Variants in ERICH6 observed in about 807,000 individuals in gnomAD.
ERICH6 encodes the protein glutamate rich 6, also known as glutamate-rich protein 6.
In ERICH6, 71 loss-of-function variants were observed where a neutral mutation model predicts 71.0. That is an observed-to-expected ratio of 1.00 (90% CI 0.83 to 1.22). The LOEUF (loss-of-function observed/expected upper bound fraction) is 1.22, where lower values mean the gene tolerates loss of function less well. ERICH6 is among the 50% of genes most tolerant of loss of function. The pLI, the probability that ERICH6 is intolerant of heterozygous loss-of-function variation, is 0.00. For synonymous variants in ERICH6, 262 were observed against 278.4 expected, an observed-to-expected ratio of 0.94 and a Z score of 0.59; for missense variants, 808 against 797.2, an observed-to-expected ratio of 1.01 and a Z score of -0.16.
chr3:150,695,636 C>G (rs574983870), intron 3 of ERICH6, among the ~76,000 whole-genome samples: 1 of 152,266 alleles, frequency 6.6e-6, no homozygotes, highest in Admixed American at 6.5e-5. Context: ...CCACTCCACT[C>G]CAGCCTGGCG....
chr3:150,687,536 A>G (rs1576558119), intron 3 of ERICH6, among the ~76,000 whole-genome samples: 1 of 152,180 alleles, frequency 6.6e-6, no homozygotes, highest in Non-Finnish European at 1.5e-5. Flanking sequence ...TTTTTCAGGT[A>G]GGAGGGTGCT....
At position 150,671,076 on chromosome 3, in the gene ERICH6, A is replaced by G. The variant is rs145903393; in HGVS notation, c.1344-1625T>C. ...GGAGTTTGAGGCCAGCCTAGGCAAC[A>G]TAATAGGATTCTGTCTCTAAAAACT... On this transcript the variant is annotated intron_variant, in intron 11 of 13. Transcript: ENST00000295910. 1.5e-3 allele frequency among the ~76,000 whole-genome samples: 236 copies of G among 152,302 alleles called. 1 individual carries two copies. The highest frequency in any genetic ancestry group is 5.5e-3 in the African/African-American group (227 of 41,574).
chr3:150,660,109 T>A lies in ERICH6; in HGVS notation c.1775A>T (p.Asp592Val). 2 of 1,614,008 alleles carry A rather than the reference T, an allele frequency of 1.2e-6. No homozygotes were observed. Among genetic ancestry groups the A allele is most frequent in the Non-Finnish European group, 1.7e-6 (2 of 1,180,000 alleles). The change falls in exon 14 of 14, where the codon GAT becomes GTT. Residue 592 changes from aspartate (D) to valine (V), a missense_variant. Physicochemically the swap from Asp to Val is radical, Grantham distance 152 (BLOSUM62 -3). Around this residue, in one of 3 missense-constraint regions of ERICH6, gnomAD observed 736 missense variants for 712.2 expected, o/e 1.03. Transcript: ENST00000295910. Reference protein sequence around the residue: ...EIPILRYVSGDDLLLLASLIK... With the variant: ...EIPILRYVSGVDLLLLASLIK... ...TAAACTGGCCAGCAGAAGAAGGTCA[T>A]CTCCACTTACGTATCGGAGGATTGG...
At chr3:150,687,369 G>A (rs1383081297) in intron 3 of ERICH6, among the ~76,000 whole-genome samples, 1 of 152,200 alleles carries the variant, frequency 6.6e-6, no homozygotes, top group African/African-American at 2.4e-5. Flanking sequence ...ACTGCAGGCA[G>A]CTGAAACCAC....
In ERICH6 at chr3:150,669,349, T is replaced by C. The variant is rs370142848; in HGVS notation, c.1446A>G (p.Ala482=). Residue 482 remains alanine, a synonymous_variant, in exon 12 of 14, where the codon GCA becomes GCG. Coordinates refer to ENST00000295910, the MANE Select transcript of ERICH6 (RefSeq NM_152394.5). ...AACTTCTGCCAGAGGAATCCAGCACTGCTAGGATAGCAGGGTTAGTGGGCA... is the reference window on the plus strand; with the variant it reads ...AACTTCTGCCAGAGGAATCCAGCACCGCTAGGATAGCAGGGTTAGTGGGCA... ...EDMPTNPAIL[A]VLDSSGRSSC... The C allele has an allele frequency of 1.5e-5, 25 of 1,613,768 alleles. No homozygotes were observed. Among genetic ancestry groups the C allele is most frequent in the Non-Finnish European group, 1.9e-5 (23 of 1,179,904 alleles).
rs770361826 is a variant in ERICH6, at chr3:150,672,264, C to CATACATATATATAT, written c.1343+1691_1343+1692insATATATATATGTAT. 2.9e-3 allele frequency among the ~76,000 whole-genome samples: 360 copies of CATACATATATATAT among 123,632 alleles called. 8 individuals carry two copies. Among genetic ancestry groups the CATACATATATATAT allele is most frequent in the Middle Eastern group, 4.0e-3 (1 of 252 alleles). The allele number at this position is 123,632 out of a possible 152,430, so 81.1% of individuals were successfully genotyped here. A position where few individuals can be genotyped will look rare whatever the true frequency, so the allele number is the denominator to read the frequency against. The stretch of plus-strand genomic sequence containing the variant: ...TAAACAAAGAATCCATTTATATATA[C>CATACATATATATAT]ATATATATATATATGCTCATACACA... On this transcript the variant is annotated intron_variant, in intron 11 of 13. Transcript: ENST00000295910.
intron 9 of ERICH6, 97 bp downstream of exon 9, chr3:150,680,371 A>G (rs1027785952): frequency 1.6e-6 from 2 of 1,285,422 alleles, no homozygotes; most frequent in African/African-American, 2.9e-5. Flanking sequence ...CCTGGCCAAT[A>G]CTATTTTTTA....
At chr3:150,670,844 G>C (rs1711499316) in intron 11 of ERICH6, among the ~76,000 whole-genome samples, 1 of 152,186 alleles carries the variant, frequency 6.6e-6, no homozygotes, top group African/African-American at 2.4e-5. Flanking sequence ...AGGCTGGTTA[G>C]AAGTCCAGAA....
chr3:150,683,418 C>T (rs77667201), intron 6 of ERICH6, among the ~76,000 whole-genome samples: 15,653 of 152,130 alleles, frequency 0.1, 1,094 homozygotes, highest in Non-Finnish European at 0.15. Context: ...CTTCTCAGCC[C>T]GTTGTCCTTT....
At chr3:150,672,653 C>CTT (rs112999157) in intron 11 of ERICH6, among the ~76,000 whole-genome samples, 21 of 146,792 alleles carry the variant, frequency 1.4e-4, no homozygotes, top group African/African-American at 4.3e-4. Context: ...TTTCTCTTTT[C>CTT]TTTTTTTTTT....
At position 150,698,792 on chromosome 3, in the gene ERICH6, C is replaced by T. The variant is rs756604312; in HGVS notation, c.552G>A (p.Ser184=). 190 of 1,612,166 alleles carry T rather than the reference C, an allele frequency of 1.2e-4. No individual in the cohort carries two copies. Among genetic ancestry groups the T allele is most frequent in the Admixed American group, 1.7e-4 (10 of 59,960 alleles). Residue 184 remains serine (S), a splice_region_variant and synonymous_variant, in exon 3 of 14, where the codon TCG becomes TCA. Coordinates refer to ENST00000295910, the MANE Select transcript of ERICH6 (RefSeq NM_152394.5). ...AAGCTAAGAAATCAAACTACTCACT[C>T]GATTGCACTTTATCAGACAAATCTT... is the stretch of plus-strand genomic sequence containing the variant. ...WLQDLSDKVQ[S]RKKASKEKAE... is the part of the protein sequence containing the mutation.
intron 3 of ERICH6, among the ~76,000 whole-genome samples, chr3:150,696,610 G>C (rs998718666): frequency 6.6e-6 from 1 of 152,044 alleles, no homozygotes; most frequent in African/African-American, 2.4e-5. Flanking sequence ...GGAAAAATGG[G>C]AAAAAGATAT....
intron 1 of ERICH6, 57 bp downstream of exon 1, chr3:150,703,439 C>G: frequency 6.7e-7 from 1 of 1,494,712 alleles, no homozygotes; most frequent in Non-Finnish European, 8.9e-7. Flanking sequence ...AGTGGGTGGA[C>G]CAGGTGCCCC....
At chr3:150,685,291 C>T (rs7618589) in intron 6 of ERICH6, among the ~76,000 whole-genome samples, 8,854 of 152,176 alleles carry the variant, frequency 0.058, 870 homozygotes, top group African/African-American at 0.2. Context: ...AGAGTGGGCC[C>T]AAATCCAACT....
Position 150,685,774 on chromosome 3 carries a change from C to G in ERICH6, c.751G>C (p.Glu251Gln). 1.2e-6 allele frequency: 2 copies of G among 1,613,818 alleles called. No individual in the cohort carries two copies. Among genetic ancestry groups the G allele is most frequent in the Non-Finnish European group, 1.7e-6 (2 of 1,179,960 alleles). The change falls in exon 6 of 14, where the codon GAA becomes CAA. Residue 251 changes from glutamate (E) to glutamine (Q), a missense_variant. This residue lies in a region of ERICH6 where 736 missense variants were observed against 712.2 expected (regional missense o/e 1.03). Coordinates refer to ENST00000295910, the MANE Select transcript of ERICH6 (RefSeq NM_152394.5). ...IGPPSILAYK[E>Q]ESSNLGINFK... is the part of the protein sequence containing the mutation. ...TTAATGCCTAAATTGGAGCTCTCTT[C>G]TTTGTATGCCAGAATGGATGGTGGT...
Position 150,682,321 on chromosome 3 carries a change from A to G in ERICH6, c.784-5T>C, listed in dbSNP as rs767134111. On this transcript the variant is annotated splice_polypyrimidine_tract_variant and splice_region_variant and intron_variant, in intron 6 of 13. Transcript: ENST00000295910. Reference sequence around the variant, plus strand: ...TGATGTCTCCTCCTCTTCATCCTTCAGAGAGAGAGGAAAAAAATTAAAGAA... The same window carrying G: ...TGATGTCTCCTCCTCTTCATCCTTCGGAGAGAGAGGAAAAAAATTAAAGAA... 3 of 1,608,694 alleles carry G rather than the reference A, an allele frequency of 1.9e-6. No homozygotes were observed. Among genetic ancestry groups the G allele is most frequent in the Non-Finnish European group, 2.5e-6 (3 of 1,177,904 alleles).
At chr3:150,672,211 A>G (rs1246899434) in intron 11 of ERICH6, among the ~76,000 whole-genome samples, 1 of 148,394 alleles carries the variant, frequency 6.7e-6, no homozygotes, top group Non-Finnish European at 1.5e-5. Context: ...GTATAATTTC[A>G]TTATGTAAAG....
intron 3 of ERICH6, among the ~76,000 whole-genome samples, chr3:150,698,156 A>G (rs1365914610): frequency 6.6e-6 from 1 of 152,138 alleles, no homozygotes; most frequent in East Asian, 1.9e-4. Flanking sequence ...CTAATGTTTT[A>G]TATATTAACT....
chr3:150,685,125 G>A (rs1014597298), intron 6 of ERICH6, among the ~76,000 whole-genome samples: 3 of 152,154 alleles, frequency 2.0e-5, no homozygotes, highest in Non-Finnish European at 4.4e-5. Context: ...GTGAGCCACC[G>A]TGTCTGGCCT....
Sources: allele counts gnomAD v4.1 joint callset (sites outside exome capture counted in the v4.1 genomes callset), GRCh38; gene constraint gnomAD v4.1.1; regional missense constraint gnomAD v4.1.1; transcripts MANE v1.5; gene names NCBI Gene and HGNC (gene_info 2026-07-23, HGNC 2026-07-21).